FBXL4: variants seen among roughly 807,000 people sequenced by gnomAD.
FBXL4 encodes F-box and leucine rich repeat protein 4, also known as F-box/LRR-repeat protein 4.
FBXL4 carries 40 observed loss-of-function variants against 58.9 expected under a neutral mutation model. That is an observed-to-expected ratio of 0.68 (90% CI 0.53 to 0.88). The LOEUF is 0.88. Among genes scored for constraint, FBXL4 ranks in the 40% least tolerant of loss-of-function variants. The pLI, the probability that FBXL4 is intolerant of heterozygous loss-of-function variation, is 0.00. For synonymous variants in FBXL4, 263 were observed against 265.5 expected (o/e 0.99, Z 0.09); for missense variants, 676 against 734.4 (o/e 0.92, Z 0.92).
chr6:98,892,012 C>T (rs1771245850), intron 7 of FBXL4, among the ~76,000 whole-genome samples: 1 of 152,174 alleles, frequency 6.6e-6, no homozygotes, highest in Non-Finnish European at 1.5e-5. Context: ...TCATTCAGGG[C>T]ACACATACTC....
intron 4 of FBXL4, 101 bp downstream of exon 4, chr6:98,926,376 T>C (rs1772779137): frequency 2.4e-6 from 3 of 1,272,986 alleles, no homozygotes; most frequent in Non-Finnish European, 3.2e-6. Flanking sequence ...TCAAATTCAA[T>C]TAAGTTACTT....
intron 7 of FBXL4, among the ~76,000 whole-genome samples, chr6:98,885,360 A>T (rs374757348): frequency 2.6e-5 from 4 of 152,110 alleles, no homozygotes; most frequent in East Asian, 3.9e-4. Context: ...TCGGCCTCCT[A>T]AAGTGCTGAA....
In FBXL4 at chr6:98,913,368, T is replaced by C. The variant is rs542527157; in HGVS notation, c.858+4006A>G. On this transcript the variant is annotated intron_variant, in intron 5 of 9. Transcript: ENST00000369244. ...AACTCTCCACCCCAAATCAAAAGAA[T>C]ATACATTTTTTTCAGCACCACACCA... Among the ~76,000 whole-genome samples the C allele has an allele frequency of 2.5e-3, 385 of 152,148 alleles. 3 individuals carry two copies. Among genetic ancestry groups the C allele is most frequent in the African/African-American group, 8.9e-3 (369 of 41,494 alleles).
intron 5 of FBXL4, among the ~76,000 whole-genome samples, chr6:98,906,174 TA>T (rs548854461): frequency 0.039 from 4,876 of 123,704 alleles, 219 homozygotes; most frequent in African/African-American, 0.12. Flanking sequence ...CACTCAGCTT[TA>T]AAAAAAAAAA....
intron 7 of FBXL4, among the ~76,000 whole-genome samples, chr6:98,897,954 A>G (rs1323235699): frequency 6.6e-6 from 1 of 152,236 alleles, no homozygotes; most frequent in Non-Finnish European, 1.5e-5. Context: ...GATTCTGGAA[A>G]TATGGCAATG....
intron 1 of FBXL4, among the ~76,000 whole-genome samples, chr6:98,941,170 G>A (rs777478552): frequency 2.6e-5 from 4 of 151,650 alleles, no homozygotes; most frequent in Non-Finnish European, 5.9e-5. Context: ...AAACATCTAA[G>A]ATGTCCTTGA....
chr6:98,937,561 G>A lies in FBXL4; in HGVS notation c.-308-2682C>T, dbSNP rs569310936. Reference sequence around the variant, plus strand: ...ATCTGATCTTCATGTTGAGTAGGCTGAGAAGGGAGGAGGAAGAGGAGGGGT... The same window carrying A: ...ATCTGATCTTCATGTTGAGTAGGCTAAGAAGGGAGGAGGAAGAGGAGGGGT... On this transcript the variant is annotated intron_variant, in intron 1 of 9. Transcript: ENST00000369244. Among the ~76,000 whole-genome samples the A allele has an allele frequency of 5.3e-5, 8 of 152,270 alleles. No individual in the cohort carries two copies. The East Asian group carries it at 1.4e-3, about 26-fold the overall frequency.
chr6:98,889,025 T>A (rs1771131870), intron 7 of FBXL4, among the ~76,000 whole-genome samples: 1 of 152,128 alleles, frequency 6.6e-6, no homozygotes, highest in African/African-American at 2.4e-5. Context: ...AACACATAAT[T>A]AAATATTCAA....
chr6:98,910,655 T>G (rs925791122), intron 5 of FBXL4, among the ~76,000 whole-genome samples: 1 of 145,256 alleles, frequency 6.9e-6, no homozygotes, highest in Non-Finnish European at 1.5e-5. Flanking sequence ...AGACTCCATC[T>G]CGAAAAAAAA....
intron 7 of FBXL4, among the ~76,000 whole-genome samples, 197 bp from the exon 8 acceptor site, chr6:98,880,821 C>T (rs1770826812): frequency 6.6e-6 from 1 of 152,138 alleles, no homozygotes; most frequent in South Asian, 2.1e-4. Flanking sequence ...TCAAGGTAAT[C>T]ATTACTAGTC....
chr6:98,898,219 C>CA (rs1271470359), intron 7 of FBXL4: 2 of 907,942 alleles, frequency 2.2e-6, no homozygotes, highest in Non-Finnish European at 2.6e-6. Flanking sequence ...GGCAAAAAAA[C>CA]AAAAGCCCTG....
rs1009605031 is a variant in FBXL4 at position 98,871,516 on chromosome 6, G to C, written c.*2762C>G. On this transcript the variant is annotated 3_prime_UTR_variant, in exon 10 of 10. Coordinates refer to ENST00000369244, the MANE Select transcript of FBXL4 (RefSeq NM_001278716.2). ...CACAAATTTCATGCAACCTGAAGTA[G>C]AATCTGCTAAGATGTGTTACAACTG... 4.6e-5 allele frequency: 7 copies of C among 152,224 alleles called. No homozygotes were observed. Among genetic ancestry groups the C allele is most frequent in the Non-Finnish European group, 7.3e-5 (5 of 68,036 alleles). 9.4% of individuals were successfully genotyped at this position (152,224 alleles called of 1,614,324 possible). A position where few individuals can be genotyped will look rare whatever the true frequency, so the allele number is the denominator to read the frequency against.
chr6:98,913,392 C>T (rs1275883663), intron 5 of FBXL4, among the ~76,000 whole-genome samples: 5 of 152,112 alleles, frequency 3.3e-5, no homozygotes, highest in African/African-American at 9.7e-5. Context: ...AGCACCACAC[C>T]ACACCTATTC....
intron 2 of FBXL4, among the ~76,000 whole-genome samples, chr6:98,933,004 C>A (rs564467796): frequency 6.6e-6 from 1 of 151,916 alleles, no homozygotes; most frequent in African/African-American, 2.4e-5. Flanking sequence ...AGAAAAAAGG[C>A]CAACCCTTAA....
Position 98,870,846 on chromosome 6 carries a change from C to G in FBXL4, c.*3432G>C, listed in dbSNP as rs1213974171. The stretch of plus-strand genomic sequence containing the variant: ...CCTGTAATCCAAGCATTTTGGGAGG[C>G]TGAAGTGGGTGGATCACTTGAGGTC... On this transcript the variant is annotated 3_prime_UTR_variant, in exon 10 of 10. Transcript: ENST00000369244. 2 of 152,104 alleles carry G rather than the reference C, an allele frequency of 1.3e-5. No homozygotes were observed. Among genetic ancestry groups the G allele is most frequent in the East Asian group, 3.9e-4 (2 of 5,180 alleles). 9.4% of individuals were successfully genotyped at this position (152,104 alleles called of 1,614,324 possible).
chr6:98,927,063 A>T lies in FBXL4; in HGVS notation c.-72-3T>A, dbSNP rs980489943. The T allele has an allele frequency of 1.0e-4, 144 of 1,421,684 alleles. No homozygotes were observed. Among genetic ancestry groups the T allele is most frequent in the Non-Finnish European group, 1.3e-4 (135 of 1,044,708 alleles). 88.1% of individuals were successfully genotyped at this position (1,421,684 alleles called of 1,614,324 possible). ...GCATGAACTCTTTGAAGGATGTTCT[A>T]AAAAAATGAATGGCTTGGTGAAGTA... is the stretch of plus-strand genomic sequence containing the variant. On this transcript the variant is annotated splice_polypyrimidine_tract_variant and splice_region_variant and intron_variant, in intron 3 of 9. Transcript: ENST00000369244.
In FBXL4 at chr6:98,874,431, C is replaced by T. The variant is rs767419935; in HGVS notation, c.1713G>A (p.Met571Ile). Residue 571 changes from methionine to isoleucine, a missense_variant, in exon 10 of 10, where the codon ATG becomes ATA. Transcript: ENST00000369244. ...LQQLDILGTR[M>I]VSPASLRKLL... ...GTTTTCTTAAGGATGCCGGACTTACCATTCTTGTTCCTATTTAAGGGAAAC... is the reference window on the plus strand; with the variant it reads ...GTTTTCTTAAGGATGCCGGACTTACTATTCTTGTTCCTATTTAAGGGAAAC... The T allele has an allele frequency of 4.4e-5, 71 of 1,604,144 alleles. No individual in the cohort carries two copies. Among genetic ancestry groups the T allele is most frequent in the Non-Finnish European group, 5.9e-5 (69 of 1,177,712 alleles).
chr6:98,943,579 CAAAAAAAAAAA>C (rs59697294), intron 1 of FBXL4, among the ~76,000 whole-genome samples: 7 of 76,692 alleles, frequency 9.1e-5, no homozygotes, highest in African/African-American at 1.7e-4. Context: ...GACTCTGTCT[CAAAAAAAAAAA>C]AAAAAAAAAA....
At chr6:98,905,390 G>T in intron 6 of FBXL4, 36 bp downstream of exon 6, 5 of 1,604,404 alleles carry the variant, frequency 3.1e-6, no homozygotes, top group Non-Finnish European at 3.4e-6. Flanking sequence ...CCTGCTGCTG[G>T]GGGGGAAAAA....
Sources: allele counts gnomAD v4.1 joint callset (sites outside exome capture counted in the v4.1 genomes callset), GRCh38; gene constraint gnomAD v4.1.1; transcripts MANE v1.5; gene names NCBI Gene and HGNC (gene_info 2026-07-23, HGNC 2026-07-21).